CUBN: variants seen among roughly 807,000 people sequenced by gnomAD.
CUBN encodes 460 kDa receptor.
A neutral mutation model predicts 405.3 loss-of-function variants in CUBN; 282 were observed. That is an observed-to-expected ratio of 0.70 (90% CI 0.63 to 0.77). The LOEUF is 0.77. Among genes scored for constraint, CUBN ranks in the 30% least tolerant of loss-of-function variants. CUBN has a pLI of 0.00. For missense variants in CUBN, 4,514 were observed against 4,475.2 expected, an observed-to-expected ratio of 1.01 and a Z score of -0.25; for synonymous variants, 1,684 against 1,617.0, an observed-to-expected ratio of 1.04 and a Z score of -0.99.
At chr10:16,992,486 T>G (rs542164108) in intron 28 of CUBN, among the ~76,000 whole-genome samples, 2 of 152,292 alleles carry the variant, frequency 1.3e-5, no homozygotes, top group African/African-American at 4.8e-5. Flanking sequence ...GCTTCTAAAG[T>G]AAGACACCAA....
In CUBN at chr10:16,828,881, T is replaced by A. The variant is rs1407067807; in HGVS notation, c.10688A>T (p.Asp3563Val). Residue 3563 changes from aspartate to valine, a missense_variant, in exon 66 of 67, where the codon GAC (aspartate) becomes GTC (valine). By Grantham distance (152) the Asp-to-Val change is radical. Transcript: ENST00000377833. ...FYFISIDDPG[D>V]CVQNYLTLYD... The stretch of plus-strand genomic sequence containing the variant: ...GAGTGTGAGATAGTTCTGGACACAG[T>A]CTCCTGGATCGTCAATGCTGATGAA... The A allele has an allele frequency of 1.2e-6, 2 of 1,614,018 alleles. No homozygotes were observed. The highest frequency in any genetic ancestry group is 1.7e-6 in the Non-Finnish European group (2 of 1,180,014).
chr10:17,128,984 T>C, intron 2 of CUBN, 137 bp downstream of exon 2: 1 of 663,946 alleles, frequency 1.5e-6, no homozygotes, highest in Non-Finnish European at 2.5e-6. Flanking sequence ...TTACACATTA[T>C]AGGAATGTAT....
At chr10:17,024,563 T>C (rs1378567226) in intron 27 of CUBN, among the ~76,000 whole-genome samples, 1 of 152,150 alleles carries the variant, frequency 6.6e-6, no homozygotes, top group Non-Finnish European at 1.5e-5. Context: ...TGGAGTGCAG[T>C]GGTGCAATAA....
intron 33 of CUBN, among the ~76,000 whole-genome samples, chr10:16,952,051 GA>G (rs200851855): frequency 8.4e-4 from 128 of 151,838 alleles, no homozygotes; most frequent in African/African-American, 2.9e-3. Context: ...GCCTTGACAT[GA>G]AAAAAAAGAA....
chr10:16,828,249 T>G (rs555052215), intron 66 of CUBN, among the ~76,000 whole-genome samples: 1 of 152,230 alleles, frequency 6.6e-6, no homozygotes, highest in South Asian at 2.1e-4. Context: ...GGAAGTCTAA[T>G]GTAAGTAACT....
chr10:16,947,127 A>G, intron 36 of CUBN, 108 bp downstream of exon 36: 4 of 1,204,768 alleles, frequency 3.3e-6, no homozygotes, highest in East Asian at 2.4e-5. Flanking sequence ...TTGGAAAAAT[A>G]CTTCCTAAAT....
chr10:16,896,427 C>T (rs1841185553), intron 54 of CUBN, among the ~76,000 whole-genome samples: 1 of 152,048 alleles, frequency 6.6e-6, no homozygotes, highest in South Asian at 2.1e-4. Flanking sequence ...AGATAGTTTT[C>T]CAGATATAAA....
chr10:16,844,447 A>G (rs1188918754), intron 60 of CUBN, among the ~76,000 whole-genome samples: 1 of 147,898 alleles, frequency 6.8e-6, no homozygotes, highest in East Asian at 1.9e-4. Flanking sequence ...GAAGTCCAAC[A>G]AACAAAGCTG....
chr10:17,084,159 T>G, intron 17 of CUBN, 112 bp downstream of exon 17: 1 of 1,006,530 alleles, frequency 9.9e-7, no homozygotes. Flanking sequence ...TCTAACAAGC[T>G]CTCAGGTATT....
chr10:16,946,770 C>T (rs1842798101), intron 36 of CUBN, among the ~76,000 whole-genome samples: 1 of 152,110 alleles, frequency 6.6e-6, no homozygotes, highest in African/African-American at 2.4e-5. Context: ...TGCGGGATTA[C>T]AGGCATGAGC....
intron 27 of CUBN, among the ~76,000 whole-genome samples, chr10:17,036,950 G>C (rs1049521961): frequency 6.6e-6 from 1 of 152,152 alleles, no homozygotes; most frequent in South Asian, 2.1e-4. Context: ...GAGTTACAGT[G>C]CCTGCTAGAA....
chr10:16,980,738 G>A (rs1463690833), intron 31 of CUBN, among the ~76,000 whole-genome samples: 1 of 152,098 alleles, frequency 6.6e-6, no homozygotes, highest in Admixed American at 6.5e-5. Context: ...AATACCTTAT[G>A]TAGATGACGG....
intron 31 of CUBN, among the ~76,000 whole-genome samples, chr10:16,971,887 C>T (rs574354763): frequency 5.9e-5 from 9 of 152,174 alleles, no homozygotes; most frequent in South Asian, 4.2e-4. Context: ...CACTCATTTC[C>T]GTAACTCTGG....
chr10:17,064,939 C>T (rs1269052374), intron 22 of CUBN, among the ~76,000 whole-genome samples: 3 of 152,066 alleles, frequency 2.0e-5, no homozygotes, highest in African/African-American at 4.8e-5. Flanking sequence ...GAATTTCATG[C>T]GGTAGTCTCT....
rs71268608 is a variant in CUBN, at chr10:17,127,431, ATT to A, written c.348+396_348+397del. Among the ~76,000 whole-genome samples, 161 of 85,914 alleles carry A rather than the reference ATT, an allele frequency of 1.9e-3. 1 individual carries two copies. Among genetic ancestry groups the A allele is most frequent in the Middle Eastern group, 9.6e-3 (1 of 104 alleles). The allele number at this position is 85,914 out of a possible 152,430, so 56.4% of individuals were successfully genotyped here. On this transcript the variant is annotated intron_variant, in intron 3 of 66. Transcript: ENST00000377833. The stretch of plus-strand genomic sequence containing the variant: ...CAGGCTCATGCCACCATGCCCAGCT[ATT>A]TTTTTTTTTTTTTTTTTTTTTGGTA...
rs749824678 is a variant in CUBN at position 16,907,683 on chromosome 10, T to C, written c.7534-4A>G. ...TACTTCTAATGCCATTGAATACCTGTTGGAAAAAGAGTTTAACCTTCAGGC... is the reference window on the plus strand; with the variant it reads ...TACTTCTAATGCCATTGAATACCTGCTGGAAAAAGAGTTTAACCTTCAGGC... On this transcript the variant is annotated splice_region_variant and splice_polypyrimidine_tract_variant and intron_variant, in intron 48 of 66. Transcript: ENST00000377833. 1.2e-6 allele frequency: 2 copies of C among 1,611,900 alleles called. No individual in the cohort carries two copies. The highest frequency in any genetic ancestry group is 1.7e-6 in the Non-Finnish European group (2 of 1,179,754).
chr10:16,908,389 C>T (rs1220997566), intron 48 of CUBN, among the ~76,000 whole-genome samples: 1 of 152,134 alleles, frequency 6.6e-6, no homozygotes, highest in Non-Finnish European at 1.5e-5. Context: ...AGGTGATCCA[C>T]CTGCTTTGGC....
chr10:16,846,115 G>C (rs1026094213), intron 60 of CUBN, among the ~76,000 whole-genome samples: 6 of 152,120 alleles, frequency 3.9e-5, no homozygotes, highest in African/African-American at 1.4e-4. Flanking sequence ...GTTTTGATAT[G>C]CACCAAATTT....
At chr10:17,072,047 T>C (rs1835752572) in intron 17 of CUBN, 76 bp from the exon 18 acceptor site, 3 of 1,170,350 alleles carry the variant, frequency 2.6e-6, no homozygotes, top group Non-Finnish European at 3.7e-6. Context: ...TACTTGGAGA[T>C]GAAAAAATGG....
Sources: allele counts gnomAD v4.1 joint callset (sites outside exome capture counted in the v4.1 genomes callset), GRCh38; gene constraint gnomAD v4.1.1; transcripts MANE v1.5; gene names NCBI Gene and HGNC (gene_info 2026-07-23, HGNC 2026-07-21).